The following PTH2R variants were observed in gnomAD, a reference collection of about 807,000 sequenced individuals.
PTH2R encodes the protein parathyroid hormone 2 receptor.
PTH2R carries 59 observed loss-of-function variants against 60.3 expected under a neutral mutation model. That is an observed-to-expected ratio of 0.98 (90% CI 0.79 to 1.22). The LOEUF is 1.22. Among genes scored for constraint, PTH2R ranks in the 50% most tolerant of loss-of-function variants. PTH2R has a pLI of 0.00. For missense variants in PTH2R, 749 were observed against 682.6 expected (o/e 1.10, Z -1.08); for synonymous variants, 256 against 243.8 (o/e 1.05, Z -0.47).
intron 9 of PTH2R, among the ~76,000 whole-genome samples, chr2:208,469,321 C>T (rs1446335230): frequency 6.6e-6 from 1 of 152,034 alleles, no homozygotes; most frequent in Non-Finnish European, 1.5e-5. Flanking sequence ...AACTATTTGC[C>T]CAGAATTTGA....
Position 208,377,270 on chromosome 2 carries a change from C to G in PTH2R, c.-259+17033C>G, listed in dbSNP as rs555487364. 6.6e-5 allele frequency among the ~76,000 whole-genome samples: 10 copies of G among 152,284 alleles called. No homozygotes were observed. In the East Asian group the frequency reaches 1.9e-3, roughly 29 times the overall value. ...AAAATGAAGTCTCCCATGTCTACTT[C>G]TTTCTACACAGACACAGCAACAATC... On this transcript the variant is annotated intron_variant, in intron 1 of 12. Coordinates refer to the PTH2R transcript ENST00000617735.
intron 12 of PTH2R, among the ~76,000 whole-genome samples, chr2:208,491,825 C>T (rs553841431): frequency 3.9e-5 from 6 of 152,188 alleles, no homozygotes; most frequent in African/African-American, 7.2e-5. Context: ...CCTCTGTGCC[C>T]GAGCTGTCTT....
At chr2:208,422,856 C>T (rs1701784354) in intron 1 of PTH2R, among the ~76,000 whole-genome samples, 1 of 152,096 alleles carries the variant, frequency 6.6e-6, no homozygotes. Context: ...CACTTTCTTC[C>T]CAGAAGGATC....
Position 208,459,938 on chromosome 2 carries a change from G to A in PTH2R, c.958G>A (p.Ala320Thr). The A allele has an allele frequency of 3.1e-6, 5 of 1,613,042 alleles. No homozygotes were observed. The highest frequency in any genetic ancestry group is 3.3e-4 in the Middle Eastern group (2 of 6,060). ...SAGDIKWIYQ[A>T]PILAAIGLNF... Reference sequence around the variant, plus strand: ...TGGAGACATCAAGTGGATTTATCAAGCACCGATCTTAGCAGCTATTGGGGT... The same window carrying A: ...TGGAGACATCAAGTGGATTTATCAAACACCGATCTTAGCAGCTATTGGGGT... The change falls in exon 9 of 13, where the codon GCA (alanine) becomes ACA (threonine). Residue 320 changes from alanine (A) to threonine (T), a missense_variant. By Grantham distance (58) the Ala-to-Thr change is moderately conservative (BLOSUM62 0). Coordinates refer to ENST00000272847, the MANE Select transcript of PTH2R (RefSeq NM_005048.4).
chr2:208,480,601 TTA>T (rs1491288674), intron 9 of PTH2R, among the ~76,000 whole-genome samples: 15 of 152,126 alleles, frequency 9.9e-5, no homozygotes, highest in Non-Finnish European at 1.5e-4. Flanking sequence ...TTACTTCCCT[TTA>T]AAAAAAAACA....
chr2:208,462,022 GA>G (rs1451418608), intron 9 of PTH2R, among the ~76,000 whole-genome samples: 1 of 152,138 alleles, frequency 6.6e-6, no homozygotes, highest in Non-Finnish European at 1.5e-5. Flanking sequence ...CCTATATTAT[GA>G]AGTTGATTTA....
intron 2 of PTH2R, among the ~76,000 whole-genome samples, chr2:208,436,973 C>T (rs528617571): frequency 3.9e-5 from 6 of 152,082 alleles, no homozygotes; most frequent in African/African-American, 9.7e-5. Flanking sequence ...CTTGGACTAT[C>T]GTGGTGACAG....
At chr2:208,481,420 A>G (rs922671413) in intron 10 of PTH2R, among the ~76,000 whole-genome samples, 1 of 152,152 alleles carries the variant, frequency 6.6e-6, no homozygotes, top group Non-Finnish European at 1.5e-5. Flanking sequence ...CCTGTTGGCC[A>G]GGCTGGTCTC....
chr2:208,428,830 A>G (rs1297991588), intron 2 of PTH2R, among the ~76,000 whole-genome samples: 2 of 152,228 alleles, frequency 1.3e-5, no homozygotes, highest in Non-Finnish European at 2.9e-5. Flanking sequence ...CACGCCTGTA[A>G]TCCCAGCACT....
rs767369310 is a variant in PTH2R at position 208,437,889 on chromosome 2, A to AATTTCTCTATTTCTCT, written c.411+20_411+21insCTCTATTTCTCTATTT. The AATTTCTCTATTTCTCT allele has an allele frequency of 6.2e-7, 1 of 1,606,794 alleles. No homozygotes were observed. Among genetic ancestry groups the AATTTCTCTATTTCTCT allele is most frequent in the South Asian group, 1.1e-5 (1 of 90,494 alleles). ...GATATCAGCATAGGAAAGGTAATGG[A>AATTTCTCTATTTCTCT]ATTTCTCTATTTGTGAATTCCTAAG... On this transcript the variant is annotated intron_variant, in intron 4 of 12. Transcript: ENST00000272847.
chr2:208,373,001 G>A (rs756429004), intron 1 of PTH2R, among the ~76,000 whole-genome samples: 14 of 152,060 alleles, frequency 9.2e-5, no homozygotes, highest in African/African-American at 1.7e-4. Flanking sequence ...TGGGAGGATC[G>A]CTTGAGCTCG....
chr2:208,439,853 G>T (rs899310315), intron 4 of PTH2R, among the ~76,000 whole-genome samples: 1 of 152,000 alleles, frequency 6.6e-6, no homozygotes, highest in African/African-American at 2.4e-5. Flanking sequence ...AATATTTTTT[G>T]ATCTTATAAA....
chr2:208,483,673 A>G (rs3769511), intron 10 of PTH2R, among the ~76,000 whole-genome samples: 121,077 of 151,982 alleles, frequency 0.8, 48,614 homozygotes, highest in African/African-American at 0.86. Flanking sequence ...CTGGTGCCCC[A>G]AAGATTTCAA....
chr2:208,383,479 C>G (rs1416603324), intron 1 of PTH2R, among the ~76,000 whole-genome samples: 1 of 152,152 alleles, frequency 6.6e-6, no homozygotes, highest in Admixed American at 6.5e-5. Flanking sequence ...AGAATTGTTG[C>G]AAAAGGCAGA....
chr2:208,422,886 GC>G (rs1701785027), intron 1 of PTH2R, among the ~76,000 whole-genome samples: 1 of 152,056 alleles, frequency 6.6e-6, no homozygotes, highest in African/African-American at 2.4e-5. Flanking sequence ...GTTCTTTGTA[GC>G]CAAACCCCCT....
chr2:208,457,509 A>T (rs1160139826), intron 8 of PTH2R, among the ~76,000 whole-genome samples: 1 of 152,220 alleles, frequency 6.6e-6, no homozygotes, highest in Non-Finnish European at 1.5e-5. Context: ...ATTGGTACAG[A>T]TATGCAAAGA....
intron 1 of PTH2R, among the ~76,000 whole-genome samples, chr2:208,378,129 G>T (rs555607966): frequency 2.6e-5 from 4 of 152,030 alleles, no homozygotes; most frequent in Non-Finnish European, 5.9e-5. Flanking sequence ...CCGGCACCTC[G>T]GGAGGCCGAG....
intron 1 of PTH2R, among the ~76,000 whole-genome samples, chr2:208,390,067 C>G (rs1040551213): frequency 1.3e-5 from 2 of 152,140 alleles, no homozygotes; most frequent in African/African-American, 2.4e-5. Context: ...ATTCTGAAAG[C>G]CCCCCACTAG....
At chr2:208,376,847 C>T (rs1482603493) in intron 1 of PTH2R, among the ~76,000 whole-genome samples, 2 of 151,784 alleles carry the variant, frequency 1.3e-5, no homozygotes, top group Middle Eastern at 3.2e-3. Flanking sequence ...TTAAAAATGC[C>T]TCTTTCTTTT....
Sources: gnomAD v4.1 joint callset for allele counts (sites outside exome capture counted in the v4.1 genomes callset) on GRCh38, gnomAD v4.1.1 for gene constraint, MANE v1.5 for transcripts, NCBI Gene and HGNC (gene_info 2026-07-23, HGNC 2026-07-21) for gene names.